The following PLEKHM3 variants were observed in gnomAD, a reference collection of about 807,000 sequenced individuals.
PLEKHM3 encodes pleckstrin homology domain containing M3, also known as pleckstrin homology domain-containing family M member 3.
Under a neutral mutation model 81.8 loss-of-function variants are expected in PLEKHM3, and 45 were observed. That is an observed-to-expected ratio of 0.55 (90% CI 0.43 to 0.71). PLEKHM3 has a LOEUF of 0.71. PLEKHM3 is among the 30% of genes least tolerant of loss of function. The pLI, the probability that PLEKHM3 is intolerant of heterozygous loss-of-function variation, is 0.00. For synonymous variants in PLEKHM3, 352 were observed against 356.4 expected, an observed-to-expected ratio of 0.99 and a Z score of 0.14; for missense variants, 788 against 924.3, an observed-to-expected ratio of 0.85 and a Z score of 1.91.
intron 1 of PLEKHM3, among the ~76,000 whole-genome samples, chr2:208,024,161 A>ACTGAACTGAAC (rs1559289177): frequency 1.3e-5 from 2 of 148,296 alleles, no homozygotes; most frequent in Admixed American, 6.6e-5. Context: ...ATAAAATAAA[A>ACTGAACTGAAC]TAAAATAAAA....
intron 2 of PLEKHM3, among the ~76,000 whole-genome samples, chr2:207,987,936 C>T (rs1691780626): frequency 6.6e-6 from 1 of 152,178 alleles, no homozygotes. Context: ...GATTTAATCA[C>T]CAATTCTGGA....
intron 1 of PLEKHM3, among the ~76,000 whole-genome samples, chr2:208,013,372 C>G (rs561952053): frequency 3.8e-4 from 58 of 152,048 alleles, no homozygotes; most frequent in Non-Finnish European, 6.5e-4. Context: ...AAAAATTAGC[C>G]AGGCATGGTG....
chr2:208,012,552 G>A (rs558017214), intron 1 of PLEKHM3, among the ~76,000 whole-genome samples: 25 of 152,216 alleles, frequency 1.6e-4, no homozygotes, highest in Non-Finnish European at 3.5e-4. Context: ...AACAAGGAGT[G>A]AGTAGGCTGA....
At chr2:207,891,715 C>A (rs1294034401) in intron 6 of PLEKHM3, among the ~76,000 whole-genome samples, 1 of 152,116 alleles carries the variant, frequency 6.6e-6, no homozygotes, top group Admixed American at 6.5e-5. Flanking sequence ...AACAGATAGC[C>A]CCCTTTTAGT....
intron 4 of PLEKHM3, among the ~76,000 whole-genome samples, chr2:207,938,191 C>T (rs542404498): frequency 4.3e-4 from 65 of 152,216 alleles, no homozygotes; most frequent in South Asian, 3.5e-3. Context: ...CTCTTTGCTA[C>T]GCTTGATATT....
intron 1 of PLEKHM3, among the ~76,000 whole-genome samples, chr2:208,018,390 G>GA (rs1693002792): frequency 7.6e-6 from 1 of 131,710 alleles, no homozygotes. Context: ...AAAAAGAAAA[G>GA]AAAAGAAAAA....
At chr2:207,849,169 AC>A (rs771178676) in intron 7 of PLEKHM3, among the ~76,000 whole-genome samples, 3 of 152,108 alleles carry the variant, frequency 2.0e-5, no homozygotes, top group Non-Finnish European at 4.4e-5. Context: ...CCCCATCTGT[AC>A]TAAAAATACA....
At chr2:207,880,490 G>A (rs1166157715) in intron 6 of PLEKHM3, among the ~76,000 whole-genome samples, 21 of 151,004 alleles carry the variant, frequency 1.4e-4, no homozygotes, top group Non-Finnish European at 2.4e-4. Context: ...GAGGCCGGGC[G>A]CGGTGGCTCA....
intron 5 of PLEKHM3, among the ~76,000 whole-genome samples, chr2:207,923,542 G>C (rs1400888889): frequency 1.3e-5 from 2 of 152,082 alleles, no homozygotes. Flanking sequence ...GGGAGGTGGA[G>C]GTTGCGGTGA....
intron 7 of PLEKHM3, among the ~76,000 whole-genome samples, chr2:207,849,566 A>G (rs1314506999): frequency 6.6e-6 from 1 of 152,188 alleles, no homozygotes; most frequent in African/African-American, 2.4e-5. Flanking sequence ...GAGTAACCAC[A>G]GAGCTGCCGA....
chr2:207,863,481 TA>T (rs1286911933), intron 6 of PLEKHM3, among the ~76,000 whole-genome samples: 1 of 152,236 alleles, frequency 6.6e-6, no homozygotes, highest in African/African-American at 2.4e-5. Context: ...ACTCAGGATT[TA>T]TTCACGTCCT....
intron 2 of PLEKHM3, among the ~76,000 whole-genome samples, chr2:207,983,663 C>T (rs1691619998): frequency 6.6e-6 from 1 of 152,126 alleles, no homozygotes; most frequent in Admixed American, 6.5e-5. Flanking sequence ...TTCTGTTCCT[C>T]CTCAGTGAAG....
intron 7 of PLEKHM3, among the ~76,000 whole-genome samples, chr2:207,855,259 T>C (rs1350276805): frequency 3.3e-5 from 5 of 151,910 alleles, no homozygotes; most frequent in Non-Finnish European, 4.4e-5. Context: ...AAAAATCCCA[T>C]AATGGGTGGG....
chr2:207,865,811 T>A (rs867734342), intron 6 of PLEKHM3, among the ~76,000 whole-genome samples: 14,439 of 57,230 alleles, frequency 0.25, 3,621 homozygotes, highest in Non-Finnish European at 0.35. Flanking sequence ...AAGATATATA[T>A]ATATATATAT....
chr2:207,930,118 C>A (rs970072764), intron 5 of PLEKHM3, among the ~76,000 whole-genome samples: 1 of 152,182 alleles, frequency 6.6e-6, no homozygotes, highest in African/African-American at 2.4e-5. Flanking sequence ...CTTTAAGGAT[C>A]TGAGCCTGCT....
At chr2:207,936,739 A>G (rs1689766161) in intron 4 of PLEKHM3, among the ~76,000 whole-genome samples, 4 of 152,158 alleles carry the variant, frequency 2.6e-5, no homozygotes. Flanking sequence ...ATGAAAAAAA[A>G]TTATATTCAA....
intron 5 of PLEKHM3, among the ~76,000 whole-genome samples, chr2:207,915,936 G>A (rs1432254695): frequency 6.6e-6 from 1 of 152,146 alleles, no homozygotes; most frequent in Non-Finnish European, 1.5e-5. Flanking sequence ...GCATCCCCAG[G>A]GAGATGCAAT....
At chr2:208,007,717 A>G (rs1459137184) in intron 1 of PLEKHM3, among the ~76,000 whole-genome samples, 1 of 152,186 alleles carries the variant, frequency 6.6e-6, no homozygotes, top group Non-Finnish European at 1.5e-5. Flanking sequence ...CAGGAGTTCA[A>G]GACCAGCCTA....
chr2:207,950,294 T>C (rs376594189), intron 3 of PLEKHM3, among the ~76,000 whole-genome samples: 11 of 152,344 alleles, frequency 7.2e-5, no homozygotes, highest in African/African-American at 2.6e-4. Flanking sequence ...AGGCACATGG[T>C]ATACAGACCG....
Sources: allele counts gnomAD v4.1 joint callset (sites outside exome capture counted in the v4.1 genomes callset), GRCh38; gene constraint gnomAD v4.1.1; transcripts MANE v1.5; gene names NCBI Gene and HGNC (gene_info 2026-07-23, HGNC 2026-07-21).